ARHGAP28: variants seen among roughly 807,000 people sequenced by gnomAD.
The protein encoded by ARHGAP28 is Rho GTPase activating protein 28, also known as rho GTPase-activating protein 28.
ARHGAP28 carries 56 observed loss-of-function variants against 90.7 expected under a neutral mutation model. The ratio of observed to expected loss-of-function variants is 0.62; its 90% CI spans 0.50 to 0.77. The LOEUF (loss-of-function observed/expected upper bound fraction) is 0.77, where lower values mean the gene tolerates loss of function less well. ARHGAP28 is among the 30% of genes least tolerant of loss of function. The pLI is 0.00. For missense variants in ARHGAP28, 869 were observed against 900.9 expected (o/e 0.96, Z 0.45); for synonymous variants, 308 against 323.3 (o/e 0.95, Z 0.51).
At chr18:6,755,168 G>GTCTTAAAGC (rs2056099449) in intron 1 of ARHGAP28, among the ~76,000 whole-genome samples, 1 of 152,038 alleles carries the variant, frequency 6.6e-6, no homozygotes, top group South Asian at 2.1e-4. Flanking sequence ...GTGAGACTCT[G>GTCTTAAAGC]TCTTAAAGCA....
intron 3 of ARHGAP28, among the ~76,000 whole-genome samples, chr18:6,839,306 T>TTTA (rs2056779698): frequency 1.3e-5 from 2 of 150,976 alleles, no homozygotes; most frequent in South Asian, 2.1e-4. Flanking sequence ...TTTTTTTTTT[T>TTTA]TTTTTGAGAC....
At position 6,776,182 on chromosome 18, in the gene ARHGAP28, G is replaced by A. The variant is rs532572625; in HGVS notation, c.122+46239G>A. On this transcript the variant is annotated intron_variant, in intron 1 of 17. Transcript: ENST00000383472. ...AATAGCCCCTGAGATGAGCTAAAAG[G>A]AAATCAATGCCTTTCTATGATAAGT... 4.6e-5 allele frequency among the ~76,000 whole-genome samples: 7 copies of A among 152,228 alleles called. No individual in the cohort carries two copies. In the East Asian group the frequency reaches 1.4e-3, roughly 29 times the overall value.
intron 11 of ARHGAP28, among the ~76,000 whole-genome samples, chr18:6,883,784 G>A (rs1287279725): frequency 1.3e-5 from 2 of 152,020 alleles, no homozygotes; most frequent in Admixed American, 1.3e-4. Flanking sequence ...AGAGAATATT[G>A]TAGGCAAGGC....
chr18:6,841,222 T>TCTCC (rs1555631541), intron 3 of ARHGAP28, among the ~76,000 whole-genome samples: 4 of 100,102 alleles, frequency 4.0e-5, no homozygotes, highest in Non-Finnish European at 5.9e-5. Context: ...TCTCTCTCTC[T>TCTCC]CCCCCCAACC....
chr18:6,823,487 C>G (rs1022639336), intron 1 of ARHGAP28, among the ~76,000 whole-genome samples: 20 of 152,094 alleles, frequency 1.3e-4, no homozygotes, highest in Middle Eastern at 6.8e-3. Context: ...TAGCCAAAAG[C>G]TATTAAGTGG....
At chr18:6,783,819 A>C (rs8084111) in intron 1 of ARHGAP28, among the ~76,000 whole-genome samples, 139,020 of 151,984 alleles carry the variant, frequency 0.91, 63,851 homozygotes, top group Non-Finnish European at 0.95. Flanking sequence ...TCCCATCCCT[A>C]GGAAAACTGC....
chr18:6,828,418 CTTTAG>C (rs2056691527), intron 2 of ARHGAP28, among the ~76,000 whole-genome samples: 4 of 147,492 alleles, frequency 2.7e-5, no homozygotes, highest in Admixed American at 2.0e-4. Context: ...GGAGAGAGCT[CTTTAG>C]TTTAATCAGG....
intron 1 of ARHGAP28, among the ~76,000 whole-genome samples, chr18:6,781,794 A>C (rs1266195342): frequency 6.6e-6 from 1 of 152,084 alleles, no homozygotes; most frequent in South Asian, 2.1e-4. Context: ...CCTAGTTTGG[A>C]TGGGGTGGTA....
intron 1 of ARHGAP28, among the ~76,000 whole-genome samples, chr18:6,760,291 A>G (rs574258698): frequency 6.6e-6 from 1 of 152,320 alleles, no homozygotes; most frequent in East Asian, 1.9e-4. Flanking sequence ...AAAAAGCAAA[A>G]GAAGTATAAT....
At chr18:6,773,467 AG>A (rs1312979040) in intron 1 of ARHGAP28, among the ~76,000 whole-genome samples, 3 of 152,224 alleles carry the variant, frequency 2.0e-5, no homozygotes, top group African/African-American at 7.2e-5. Flanking sequence ...CATCTTATGC[AG>A]TTCTCATAAT....
At chr18:6,891,538 C>G (rs1301799115) in intron 14 of ARHGAP28, among the ~76,000 whole-genome samples, 1 of 152,056 alleles carries the variant, frequency 6.6e-6, no homozygotes, top group African/African-American at 2.4e-5. Flanking sequence ...CCTGACTCAG[C>G]CTCCCGAAGT....
intron 1 of ARHGAP28, among the ~76,000 whole-genome samples, chr18:6,770,585 A>C (rs2056234466): frequency 2.0e-5 from 3 of 152,332 alleles, no homozygotes; most frequent in South Asian, 4.1e-4. Context: ...ACATCTGATA[A>C]CCTTCTATAG....
chr18:6,807,885 C>T (rs1014732520), intron 1 of ARHGAP28, among the ~76,000 whole-genome samples: 1 of 152,208 alleles, frequency 6.6e-6, no homozygotes, highest in African/African-American at 2.4e-5. Flanking sequence ...CAGCTGGGTT[C>T]CCTGCTTCTG....
At chr18:6,876,758 C>T (rs1375853020) in intron 10 of ARHGAP28, among the ~76,000 whole-genome samples, 1 of 152,170 alleles carries the variant, frequency 6.6e-6, no homozygotes, top group African/African-American at 2.4e-5. Flanking sequence ...GTTCCAAAAC[C>T]CAGTTCCACT....
intron 2 of ARHGAP28, among the ~76,000 whole-genome samples, chr18:6,826,952 C>A (rs2056669434): frequency 6.6e-6 from 1 of 152,104 alleles, no homozygotes; most frequent in African/African-American, 2.4e-5. Context: ...ACCCTTAATC[C>A]ATTTAACCAT....
intron 1 of ARHGAP28, among the ~76,000 whole-genome samples, chr18:6,762,475 C>G (rs570357693): frequency 2.6e-5 from 4 of 152,200 alleles, no homozygotes; most frequent in Non-Finnish European, 4.4e-5. Context: ...CAACATGCTA[C>G]GCATCCTCTT....
chr18:6,781,367 C>T (rs1257498724), intron 1 of ARHGAP28, among the ~76,000 whole-genome samples: 5 of 152,146 alleles, frequency 3.3e-5, no homozygotes, highest in Non-Finnish European at 5.9e-5. Flanking sequence ...AGGAACTGTT[C>T]ACTCTGCAGC....
intron 1 of ARHGAP28, among the ~76,000 whole-genome samples, chr18:6,799,641 CT>C (rs1395987150): frequency 1.2e-4 from 18 of 152,196 alleles, no homozygotes; most frequent in Non-Finnish European, 4.4e-5. Flanking sequence ...AAAGGATTCC[CT>C]GTTTAATAAA....
At chr18:6,881,625 C>T (rs1443540432) in intron 10 of ARHGAP28, among the ~76,000 whole-genome samples, 1 of 152,158 alleles carries the variant, frequency 6.6e-6, no homozygotes, top group African/African-American at 2.4e-5. Flanking sequence ...GCTGTCACTG[C>T]TCCAGGAAGA....
Sources: gnomAD v4.1 joint callset for allele counts (sites outside exome capture counted in the v4.1 genomes callset) on GRCh38, gnomAD v4.1.1 for gene constraint, MANE v1.5 for transcripts, NCBI Gene and HGNC (gene_info 2026-07-23, HGNC 2026-07-21) for gene names.